The following AGMO variants were observed in gnomAD, a reference collection of about 807,000 sequenced individuals.
AGMO encodes the protein alkylglycerol monooxygenase, also known as glyceryl-ether monooxygenase.
In AGMO, 75 loss-of-function variants were observed where a neutral mutation model predicts 60.2. The ratio of observed to expected loss-of-function variants is 1.25; its 90% CI spans 1.03 to 1.51. The LOEUF (loss-of-function observed/expected upper bound fraction) is 1.51, where lower values mean the gene tolerates loss of function less well. Among genes scored for constraint, AGMO ranks in the 40% most tolerant of loss-of-function variants. AGMO has a pLI of 0.00. For missense variants in AGMO, 763 were observed against 525.5 expected (o/e 1.45, Z -4.42); for synonymous variants, 261 against 177.1 (o/e 1.47, Z -3.76).
the AGMO span, among the ~76,000 whole-genome samples, chr7:15,130,262 T>C: frequency 4.6e-5 from 7 of 152,210 alleles, no homozygotes; most frequent in African/African-American, 9.6e-5. Context: ...TTTTCTTTCA[T>C]GTTTCAAAGT....
chr7:15,264,003 C>A (rs1477071121), intron 12 of AGMO, among the ~76,000 whole-genome samples: 1 of 151,860 alleles, frequency 6.6e-6, no homozygotes, highest in Non-Finnish European at 1.5e-5. Flanking sequence ...TCTCTGAAAT[C>A]ACCATTAAAG....
intron 3 of AGMO, among the ~76,000 whole-genome samples, chr7:15,502,333 T>G (rs1175224114): frequency 6.6e-6 from 1 of 151,846 alleles, no homozygotes; most frequent in African/African-American, 2.4e-5. Context: ...AAATACACAT[T>G]TCTGGCAGCA....
intron 3 of AGMO, among the ~76,000 whole-genome samples, chr7:15,436,416 A>C (rs1781406598): frequency 6.6e-6 from 1 of 152,192 alleles, no homozygotes; most frequent in Non-Finnish European, 1.5e-5. Flanking sequence ...AGCAGAAGAG[A>C]GTGAACCCAC....
intron 10 of AGMO, among the ~76,000 whole-genome samples, chr7:15,368,251 C>A (rs1017881389): frequency 3.4e-5 from 5 of 145,984 alleles, no homozygotes; most frequent in African/African-American, 1.3e-4. Context: ...ATGTGAAGGT[C>A]GGCGATGTCC....
chr7:15,123,090 G>C, the AGMO span, among the ~76,000 whole-genome samples: 4 of 152,030 alleles, frequency 2.6e-5, no homozygotes, highest in Admixed American at 2.0e-4. Context: ...TCTTGCCCTA[G>C]GGACCTAGAC....
intron 12 of AGMO, among the ~76,000 whole-genome samples, chr7:15,280,265 T>C (rs963527723): frequency 5.3e-5 from 8 of 152,106 alleles, no homozygotes; most frequent in African/African-American, 1.4e-4. Context: ...TGGAGCAGTG[T>C]GGGTGTGGGA....
intron 12 of AGMO, among the ~76,000 whole-genome samples, chr7:15,213,145 A>G (rs1447547992): frequency 6.6e-6 from 1 of 151,902 alleles, no homozygotes. Flanking sequence ...ACAAGTATAA[A>G]TAAAAATTCT....
chr7:15,286,157 T>C (rs966066561), intron 12 of AGMO, among the ~76,000 whole-genome samples: 2 of 151,998 alleles, frequency 1.3e-5, no homozygotes, highest in African/African-American at 2.4e-5. Context: ...CTTTTGGACA[T>C]TGGTCTAGGA....
chr7:15,236,763 C>T (rs994952313), intron 12 of AGMO, among the ~76,000 whole-genome samples: 1 of 151,762 alleles, frequency 6.6e-6, no homozygotes, highest in African/African-American at 2.4e-5. Flanking sequence ...AACAAACAAA[C>T]CACAAGAACA....
chr7:15,209,506 T>G (rs564135083), intron 12 of AGMO, among the ~76,000 whole-genome samples: 1 of 152,310 alleles, frequency 6.6e-6, no homozygotes, highest in South Asian at 2.1e-4. Context: ...TTTCGTATTG[T>G]TTTTGTTTAT....
rs1563105123 is a variant in AGMO at position 15,354,382 on chromosome 7, AC to A, written c.1263+11131del. On this transcript the variant is annotated intron_variant, in intron 12 of 12. Transcript: ENST00000342526. ...CGTGTGTATATAGACGTGTGTATAC[AC>A]GTGTGTGTATACACGTGTGTGTACA... Among the ~76,000 whole-genome samples, 18 of 47,700 alleles carry A rather than the reference AC, an allele frequency of 3.8e-4. 1 individual carries two copies. Among genetic ancestry groups the A allele is most frequent in the South Asian group, 2.2e-3 (3 of 1,362 alleles). 31.3% of individuals were successfully genotyped at this position (47,700 alleles called of 152,430 possible).
the AGMO span, among the ~76,000 whole-genome samples, chr7:15,172,565 G>A: frequency 9.9e-5 from 15 of 152,206 alleles, no homozygotes; most frequent in South Asian, 8.3e-4. Flanking sequence ...TATTTATTGC[G>A]ATGTTCCCTA....
intron 2 of AGMO, 137 bp from the exon 3 acceptor site, chr7:15,545,060 TG>T: frequency 1.7e-6 from 1 of 575,232 alleles, no homozygotes. Context: ...GTGTCTTCTA[TG>T]TCATTCCTTT....
At chr7:15,387,668 C>G (rs1310944318) in intron 8 of AGMO, 128 bp from the exon 9 acceptor site, 2 of 771,034 alleles carry the variant, frequency 2.6e-6, no homozygotes, top group Non-Finnish European at 4.0e-6. Context: ...CTGATTAGAG[C>G]AACAGAAATG....
intron 3 of AGMO, among the ~76,000 whole-genome samples, chr7:15,497,954 T>C (rs1783277838): frequency 6.6e-6 from 1 of 152,026 alleles, no homozygotes; most frequent in Non-Finnish European, 1.5e-5. Flanking sequence ...ATGGGCATCA[T>C]ATCATGCTTG....
At chr7:15,336,620 T>C (rs1024787148) in intron 12 of AGMO, among the ~76,000 whole-genome samples, 2 of 152,186 alleles carry the variant, frequency 1.3e-5, no homozygotes, top group African/African-American at 4.8e-5. Flanking sequence ...AATATATTAA[T>C]CACATTCTTT....
At chr7:15,472,029 T>C (rs1015355165) in intron 3 of AGMO, among the ~76,000 whole-genome samples, 2 of 151,918 alleles carry the variant, frequency 1.3e-5, no homozygotes, top group African/African-American at 2.4e-5. Flanking sequence ...TATTGAGTGA[T>C]ACAGCCATTC....
intron 12 of AGMO, among the ~76,000 whole-genome samples, chr7:15,349,212 T>C (rs181547773): frequency 1.3e-5 from 2 of 152,252 alleles, no homozygotes; most frequent in East Asian, 1.9e-4. Flanking sequence ...ACACCTGTTG[T>C]CATTTACATT....
At chr7:15,324,066 T>C (rs1781263123) in intron 12 of AGMO, among the ~76,000 whole-genome samples, 1 of 152,220 alleles carries the variant, frequency 6.6e-6, no homozygotes, top group Admixed American at 6.5e-5. Context: ...GCTGTAACAA[T>C]GTATTAGAGA....
Sources: gnomAD v4.1 joint callset for allele counts (sites outside exome capture counted in the v4.1 genomes callset) on GRCh38, gnomAD v4.1.1 for gene constraint, MANE v1.5 for transcripts, NCBI Gene and HGNC (gene_info 2026-07-23, HGNC 2026-07-21) for gene names.